Variants in GPC5 observed in about 807,000 individuals in gnomAD.
The protein encoded by GPC5 is glypican-5.
In GPC5, 47 loss-of-function variants were observed where a neutral mutation model predicts 53.9. That is an observed-to-expected ratio of 0.87 (90% CI 0.69 to 1.11). The LOEUF (loss-of-function observed/expected upper bound fraction) is 1.11, where lower values mean the gene tolerates loss of function less well. GPC5 is among the 50% of genes most tolerant of loss of function. GPC5 has a pLI of 0.00. For synonymous variants in GPC5, 286 were observed against 263.3 expected (o/e 1.09, Z -0.84); for missense variants, 748 against 713.1 (o/e 1.05, Z -0.56).
At chr13:91,780,562 ATC>A (rs1244596568) in intron 5 of GPC5, among the ~76,000 whole-genome samples, 1 of 151,960 alleles carries the variant, frequency 6.6e-6, no homozygotes, top group Non-Finnish European at 1.5e-5. Context: ...AGAAACAATT[ATC>A]TGTTATTGTT....
At chr13:92,850,339 C>T (rs554813902) in intron 7 of GPC5, among the ~76,000 whole-genome samples, 4 of 152,260 alleles carry the variant, frequency 2.6e-5, no homozygotes, top group African/African-American at 7.2e-5. Flanking sequence ...GTTATTCACA[C>T]CTGTAATCCA....
chr13:91,587,081 T>A (rs2032624534), intron 2 of GPC5, among the ~76,000 whole-genome samples: 1 of 152,098 alleles, frequency 6.6e-6, no homozygotes, highest in African/African-American at 2.4e-5. Context: ...TTCAAGCTGC[T>A]CTAGTAATGT....
At chr13:92,465,347 T>G (rs1283065796) in intron 7 of GPC5, among the ~76,000 whole-genome samples, 1 of 152,076 alleles carries the variant, frequency 6.6e-6, no homozygotes, top group East Asian at 1.9e-4. Flanking sequence ...ATCTTAGACA[T>G]GAATGAACTA....
chr13:92,046,602 C>T (rs530745062), intron 6 of GPC5, among the ~76,000 whole-genome samples: 59 of 152,290 alleles, frequency 3.9e-4, no homozygotes, highest in Admixed American at 1.8e-3. Context: ...TCACTCTCCC[C>T]GCCAAAACTT....
chr13:91,834,539 A>C (rs2038701131), intron 5 of GPC5, among the ~76,000 whole-genome samples: 2 of 152,164 alleles, frequency 1.3e-5, no homozygotes, highest in South Asian at 4.1e-4. Flanking sequence ...TACTGGTACT[A>C]AAACAGATAT....
rs534680523 is a variant in GPC5 at position 91,693,729 on chromosome 13, C to T, written c.868C>T (p.Pro290Ser). ...CCTGGCGCACATGGCGGAGCTTAATCCACACTGGCATGCATATATCCGGTC... is the reference window on the plus strand; with the variant it reads ...CCTGGCGCACATGGCGGAGCTTAATTCACACTGGCATGCATATATCCGGTC... Reference protein sequence around the residue: ...GCLAHMAELNPHWHAYIRSLE... With the variant: ...GCLAHMAELNSHWHAYIRSLE... Residue 290 changes from proline (P) to serine (S), a missense_variant, in exon 3 of 8, where the codon CCA becomes TCA. Coordinates refer to ENST00000377067, the MANE Select transcript of GPC5 (RefSeq NM_004466.6). 6.2e-7 allele frequency: 1 copy of T among 1,614,178 alleles called. No individual in the cohort carries two copies. The highest frequency in any genetic ancestry group is 1.3e-5 in the African/African-American group (1 of 75,044).
intron 7 of GPC5, among the ~76,000 whole-genome samples, chr13:92,463,055 G>A (rs1878558935): frequency 1.3e-5 from 2 of 152,124 alleles, no homozygotes. Context: ...GCACATCCAT[G>A]CCAGCACCAG....
chr13:91,489,230 C>A (rs375835388), intron 2 of GPC5, among the ~76,000 whole-genome samples: 1 of 152,152 alleles, frequency 6.6e-6, no homozygotes, highest in Non-Finnish European at 1.5e-5. Flanking sequence ...ACACCCTATT[C>A]GTACACTCCC....
intron 6 of GPC5, among the ~76,000 whole-genome samples, chr13:92,028,722 C>G (rs1566401637): frequency 6.6e-6 from 1 of 152,130 alleles, no homozygotes; most frequent in Non-Finnish European, 1.5e-5. Flanking sequence ...TCTACTAACT[C>G]TTTTGAATAT....
chr13:91,562,463 A>G (rs2031321283), intron 2 of GPC5, among the ~76,000 whole-genome samples: 1 of 151,530 alleles, frequency 6.6e-6, no homozygotes, highest in Admixed American at 6.6e-5. Flanking sequence ...CTTTCTTTTA[A>G]TTTTTTCTTT....
rs116450636 is a variant in GPC5, at chr13:91,589,284, C to G, written c.326-103903C>G. ...CTTTAATTTTAAGTATTGTATATTTCTTGGGTTTCCTCCTTTGCCTTTCCC... is the reference window on the plus strand; with the variant it reads ...CTTTAATTTTAAGTATTGTATATTTGTTGGGTTTCCTCCTTTGCCTTTCCC... On this transcript the variant is annotated intron_variant, in intron 2 of 7. Coordinates refer to ENST00000377067, the MANE Select transcript of GPC5 (RefSeq NM_004466.6). Among the ~76,000 whole-genome samples, 1,004 of 152,040 alleles carry G rather than the reference C, an allele frequency of 6.6e-3. 8 individuals are homozygous for G. Among genetic ancestry groups the G allele is most frequent in the African/African-American group, 0.023 (952 of 41,480 alleles).
chr13:91,983,913 T>C (rs1311186469), intron 6 of GPC5, among the ~76,000 whole-genome samples: 1 of 152,232 alleles, frequency 6.6e-6, no homozygotes, highest in Non-Finnish European at 1.5e-5. Flanking sequence ...AATCAGACAC[T>C]CTGCTCTTTA....
In GPC5 at chr13:92,228,742, G is replaced by A. The variant is rs370523314; in HGVS notation, c.1561+83753G>A. ...TTCTTAGGAACTGACTAGAGACTAT[G>A]CATACATACACACACACAAACACAC... On this transcript the variant is annotated intron_variant, in intron 7 of 7. Coordinates refer to ENST00000377067, the MANE Select transcript of GPC5 (RefSeq NM_004466.6). Among the ~76,000 whole-genome samples the A allele has an allele frequency of 9.9e-5, 15 of 152,022 alleles. 1 individual carries two copies. The East Asian group carries it at 1.4e-3, about 14-fold the overall frequency.
intron 6 of GPC5, among the ~76,000 whole-genome samples, chr13:92,126,817 AGTGT>A (rs71120073): frequency 4.0e-5 from 6 of 149,920 alleles, no homozygotes; most frequent in Admixed American, 6.7e-5. Context: ...GAAAAGTTGG[AGTGT>A]GTGTGTGTGT....
intron 6 of GPC5, among the ~76,000 whole-genome samples, chr13:92,065,663 A>T (rs189977626): frequency 6.6e-6 from 1 of 152,272 alleles, no homozygotes; most frequent in African/African-American, 2.4e-5. Flanking sequence ...CCCTTTATTA[A>T]TAAGTTGCAT....
At chr13:91,855,730 A>G (rs753408601) in intron 5 of GPC5, among the ~76,000 whole-genome samples, 1 of 151,590 alleles carries the variant, frequency 6.6e-6, no homozygotes, top group Non-Finnish European at 1.5e-5. Context: ...AATTCTGCAG[A>G]TCTCTGATGC....
chr13:91,908,088 C>G, intron 6 of GPC5, 31 bp downstream of exon 6: 1 of 1,410,034 alleles, frequency 7.1e-7, no homozygotes, highest in Non-Finnish European at 9.3e-7. Flanking sequence ...TATTAGTATA[C>G]TCAGTCATAA....
At chr13:92,678,238 A>G (rs1438864858) in intron 7 of GPC5, among the ~76,000 whole-genome samples, 2 of 152,226 alleles carry the variant, frequency 1.3e-5, no homozygotes, top group Admixed American at 6.5e-5. Flanking sequence ...AGGCAAACAA[A>G]TATATAAGAA....
At chr13:92,633,206 T>C (rs1885312539) in intron 7 of GPC5, among the ~76,000 whole-genome samples, 1 of 152,182 alleles carries the variant, frequency 6.6e-6, no homozygotes, top group South Asian at 2.1e-4. Context: ...ACTCCCATTT[T>C]TTAAAACCAT....
Sources: gnomAD v4.1 joint callset for allele counts (sites outside exome capture counted in the v4.1 genomes callset) on GRCh38, gnomAD v4.1.1 for gene constraint, MANE v1.5 for transcripts, NCBI Gene and HGNC (gene_info 2026-07-23, HGNC 2026-07-21) for gene names.